MTFR1: variants seen among roughly 807,000 people sequenced by gnomAD.
MTFR1 encodes mitochondrial fission regulator 1, also known as chondrocyte protein with a poly-proline region.
MTFR1 carries 28 observed loss-of-function variants against 38.8 expected under a neutral mutation model. The observed-to-expected ratio is 0.72, with a 90% CI of 0.53 to 0.99. The LOEUF is 0.99. Among genes scored for constraint, MTFR1 ranks in the 50% least tolerant of loss-of-function variants. The pLI, the probability that MTFR1 is intolerant of heterozygous loss-of-function variation, is 0.00. For synonymous variants in MTFR1, 145 were observed against 137.0 expected, an observed-to-expected ratio of 1.06 and a Z score of -0.41; for missense variants, 358 against 395.5, an observed-to-expected ratio of 0.91 and a Z score of 0.81.
Position 65,707,178 on chromosome 8 carries a change from A to G in MTFR1, c.686A>G (p.Asn229Ser), listed in dbSNP as rs778156171. Reference sequence around the variant, plus strand: ...GCTGGAAAGACTTTGGTTAAGAACAATCCAAAGAAACCTGAAATGCCAAAT... The same window carrying G: ...GCTGGAAAGACTTTGGTTAAGAACAGTCCAAAGAAACCTGAAATGCCAAAT... The part of the protein sequence containing the change: ...ANAGKTLVKN[N>S]PKKPEMPNML... The change falls in exon 6 of 8, where the codon AAT (asparagine) becomes AGT (serine). Residue 229 changes from asparagine (N) to serine (S), a missense_variant. Transcript: ENST00000262146. The G allele has an allele frequency of 1.9e-6, 3 of 1,614,042 alleles. No homozygotes were observed. The highest frequency in any genetic ancestry group is 2.5e-6 in the Non-Finnish European group (3 of 1,180,004).
intron 2 of MTFR1, chr8:65,719,285 G>C: frequency 6.2e-7 from 1 of 1,606,178 alleles, no homozygotes; most frequent in Non-Finnish European, 8.5e-7. Flanking sequence ...CACTGGTTCT[G>C]GGGGTTATGA....
rs1452054055 is a variant in MTFR1, at chr8:65,683,180, G to A, written c.165+729G>A. Among the ~76,000 whole-genome samples, 6 of 142,054 alleles carry A rather than the reference G, an allele frequency of 4.2e-5. No homozygotes were observed. In the Admixed American group the frequency reaches 4.4e-4, roughly 10 times the overall value. 93.2% of individuals were successfully genotyped at this position (142,054 alleles called of 152,430 possible). A position where few individuals can be genotyped will look rare whatever the true frequency, so the allele number is the denominator to read the frequency against. On this transcript the variant is annotated intron_variant, in intron 3 of 7. Coordinates refer to ENST00000262146, the MANE Select transcript of MTFR1 (RefSeq NM_014637.4). ...ATGGAATCTTGCCTGTTGCCAGGCT[G>A]GAGTGCAGTGGCAGGATCTCAGCTC...
At chr8:65,679,378 G>A (rs1288599134) in intron 2 of MTFR1, 1 of 152,186 alleles carries the variant, frequency 6.6e-6, no homozygotes, top group Non-Finnish European at 1.5e-5. Flanking sequence ...GGCTAAGACA[G>A]GTGGATCACT....
chr8:65,669,988 T>G lies in MTFR1; in HGVS notation c.36T>G (p.Val12=). The G allele has an allele frequency of 1.2e-6, 2 of 1,605,674 alleles. No individual in the cohort carries two copies. Among genetic ancestry groups the G allele is most frequent in the Non-Finnish European group, 1.7e-6 (2 of 1,178,456 alleles). Residue 12 remains valine, a synonymous_variant, in exon 2 of 8, where the codon GTT becomes GTG. Coordinates refer to ENST00000262146, the MANE Select transcript of MTFR1 (RefSeq NM_014637.4). ...LGWIKRLIRM[V]FQQVGVSMQS... Reference sequence around the variant, plus strand: ...GGATTAAGCGCCTAATTAGGATGGTTTTTCAACAAGTTGGAGTAAGCATGC... The same window carrying G: ...GGATTAAGCGCCTAATTAGGATGGTGTTTCAACAAGTTGGAGTAAGCATGC...
upstream of MTFR1, among the ~76,000 whole-genome samples, chr8:65,644,423 T>TA (rs928088889): frequency 4.6e-5 from 7 of 152,194 alleles, no homozygotes; most frequent in African/African-American, 1.7e-4. Context: ...TTCAAGGTAA[T>TA]ACACATCTGC....
intron 3 of MTFR1, among the ~76,000 whole-genome samples, chr8:65,740,568 T>G (rs924690952): frequency 2.0e-5 from 3 of 152,014 alleles, no homozygotes; most frequent in African/African-American, 7.2e-5. Context: ...GCCCGGCTAA[T>G]TTTTTGTATT....
chr8:65,648,456 G>T (rs957528398), intron 1 of MTFR1, among the ~76,000 whole-genome samples: 1 of 152,118 alleles, frequency 6.6e-6, no homozygotes, highest in African/African-American at 2.4e-5. Flanking sequence ...AAATATGTCA[G>T]CTGGGAGAGC....
chr8:65,691,202 T>C (rs1805265883), intron 3 of MTFR1, among the ~76,000 whole-genome samples: 1 of 152,214 alleles, frequency 6.6e-6, no homozygotes, highest in Non-Finnish European at 1.5e-5. Context: ...TTACTTCCAC[T>C]ACATGCAAAT....
chr8:65,762,924 C>T (rs1808579354), intron 3 of MTFR1, among the ~76,000 whole-genome samples: 1 of 151,626 alleles, frequency 6.6e-6, no homozygotes, highest in Non-Finnish European at 1.5e-5. Flanking sequence ...ATTGCTTGAG[C>T]CCAGGAGTTC....
intron 3 of MTFR1, chr8:65,728,067 A>C (rs1806682785): frequency 2.0e-5 from 3 of 152,210 alleles, no homozygotes. Context: ...TTTTCTGGCA[A>C]ACTTGGCCAG....
chr8:65,766,381 G>C (rs1358953477), intron 3 of MTFR1, among the ~76,000 whole-genome samples: 2 of 152,182 alleles, frequency 1.3e-5, no homozygotes, highest in East Asian at 1.9e-4. Context: ...GAATATTTGC[G>C]ACTCTTACTT....
At chr8:65,765,674 C>G (rs1808744961) in intron 3 of MTFR1, 1 of 151,970 alleles carries the variant, frequency 6.6e-6, no homozygotes, top group African/African-American at 2.4e-5. Context: ...GCAGAGAGAC[C>G]AGGCCCTCCA....
chr8:65,746,788 G>A (rs1467996099), intron 3 of MTFR1, among the ~76,000 whole-genome samples: 2 of 152,062 alleles, frequency 1.3e-5, no homozygotes, highest in African/African-American at 4.8e-5. Context: ...ATTTAAAGCA[G>A]GCATGAACGC....
chr8:65,648,754 T>C (rs553561357), intron 1 of MTFR1, among the ~76,000 whole-genome samples: 40 of 152,300 alleles, frequency 2.6e-4, no homozygotes, highest in African/African-American at 9.4e-4. Context: ...TTTCCATGAT[T>C]GAAAAAACAT....
At chr8:65,707,699 C>A in intron 6 of MTFR1, 144 bp from the exon 7 acceptor site, 1 of 1,033,292 alleles carries the variant, frequency 9.7e-7, no homozygotes, top group Admixed American at 2.9e-5. Flanking sequence ...AGGCTTCCAT[C>A]TCAATGCTAG....
rs894895612 is a variant in MTFR1 at position 65,695,755 on chromosome 8, A to T, written c.281+1996A>T. ...ATATTATGTTTGAGTTTTCTGTGAG[A>T]TATTCACCTTGATCTAGAAACAGTT... is the stretch of plus-strand genomic sequence containing the variant. On this transcript the variant is annotated intron_variant, in intron 4 of 7. Coordinates refer to ENST00000262146, the MANE Select transcript of MTFR1 (RefSeq NM_014637.4). 2.6e-5 allele frequency among the ~76,000 whole-genome samples: 4 copies of T among 152,190 alleles called. No homozygotes were observed. In the South Asian group the frequency reaches 8.3e-4, roughly 31 times the overall value.
intron 1 of MTFR1, among the ~76,000 whole-genome samples, chr8:65,658,154 A>G (rs2129048514): frequency 6.6e-6 from 1 of 152,358 alleles, no homozygotes; most frequent in Non-Finnish European, 1.5e-5. Flanking sequence ...ATGAAAATAT[A>G]GTTAAATGGC....
At chr8:65,748,849 A>G (rs1003366463) in intron 3 of MTFR1, among the ~76,000 whole-genome samples, 2 of 152,230 alleles carry the variant, frequency 1.3e-5, no homozygotes, top group African/African-American at 4.8e-5. Flanking sequence ...GTTAAATAGT[A>G]GCCATGTCGA....
At chr8:65,695,647 G>A (rs963099553) in intron 4 of MTFR1, among the ~76,000 whole-genome samples, 4 of 152,290 alleles carry the variant, frequency 2.6e-5, no homozygotes, top group South Asian at 2.1e-4. Flanking sequence ...GTGAGCCACC[G>A]CACCTAGCTA....
Sources: allele counts gnomAD v4.1 joint callset (sites outside exome capture counted in the v4.1 genomes callset), GRCh38; gene constraint gnomAD v4.1.1; transcripts MANE v1.5; gene names NCBI Gene and HGNC (gene_info 2026-07-23, HGNC 2026-07-21).